The following THEMIS2 variants were observed in gnomAD, a reference collection of about 807,000 sequenced individuals.
The protein encoded by THEMIS2 is protein THEMIS2.
In THEMIS2, 29 loss-of-function variants were observed where a neutral mutation model predicts 46.8. The observed-to-expected ratio is 0.62, with a 90% CI of 0.46 to 0.84. The LOEUF (loss-of-function observed/expected upper bound fraction) is 0.84, where lower values mean the gene tolerates loss of function less well. Ranked by LOEUF, THEMIS2 falls within the 40% of genes least tolerant of loss-of-function variation. The pLI is 0.00. For missense variants in THEMIS2, 698 were observed against 834.7 expected, an observed-to-expected ratio of 0.84 and a Z score of 2.02; for synonymous variants, 335 against 349.1, an observed-to-expected ratio of 0.96 and a Z score of 0.45.
rs1457608330 is a variant in THEMIS2, at chr1:27,885,902, C to G, written c.1912C>G (p.Gln638Glu). Residue 638 changes from glutamine (Q) to glutamate (E), a missense_variant, in exon 6 of 6, where the codon CAA (glutamine) becomes GAA (glutamate). Transcript: ENST00000373921. ...DEHDYEEILE[Q>E]FQKTI ...ACATGATTATGAAGAAATACTTGAG[C>G]AATTTCAGAAAACCATCTAAGTGCT... is the stretch of plus-strand genomic sequence containing the variant. 9.3e-6 allele frequency: 15 copies of G among 1,614,024 alleles called. No individual in the cohort carries two copies. The highest frequency in any genetic ancestry group is 1.3e-5 in the Non-Finnish European group (15 of 1,179,982).
Position 27,882,678 on chromosome 1 carries a change from C to A in THEMIS2, c.1354C>A (p.Pro452Thr), listed in dbSNP as rs1219162194. Residue 452 changes from proline to threonine, a missense_variant, in exon 4 of 6, where the codon CCT (proline) becomes ACT (threonine). Coordinates refer to ENST00000373921, the MANE Select transcript of THEMIS2 (RefSeq NM_001105556.3). The surrounding 1 kb of genome is among the most constrained non-coding windows in gnomAD (Gnocchi z 7.6). ...AGATCTGACTGCCCAGTTTTCACTG[C>A]CTTGTGAGGTCAAGGTGGTGGCCAA... The part of the protein sequence containing the change: ...LADLTAQFSL[P>T]CEVKVVAKDT... 6.2e-7 allele frequency: 1 copy of A among 1,614,100 alleles called. No homozygotes were observed. Among genetic ancestry groups the A allele is most frequent in the South Asian group, 1.1e-5 (1 of 91,084 alleles).
At chr1:27,883,105 A>C in intron 4 of THEMIS2, 62 bp downstream of exon 4, 2 of 1,386,382 alleles carry the variant, frequency 1.4e-6, no homozygotes, top group Non-Finnish European at 2.0e-6. Context: ...CTTCTTTGTC[A>C]TGTCTGCCTG....
intron 2 of THEMIS2, among the ~76,000 whole-genome samples, chr1:27,877,003 C>T (rs1029481362): frequency 6.6e-6 from 1 of 152,238 alleles, no homozygotes. Flanking sequence ...TCTGAGTTCA[C>T]TCACACATTC....
chr1:27,880,133 A>G, intron 3 of THEMIS2, 79 bp downstream of exon 3: 1 of 1,445,398 alleles, frequency 6.9e-7, no homozygotes, highest in Non-Finnish European at 9.3e-7. Flanking sequence ...CTGATGGAAG[A>G]CACCCCCACC....
rs2089572904 is a variant in THEMIS2, at chr1:27,876,102, C to T, written c.95-486C>T. 4.0e-5 allele frequency among the ~76,000 whole-genome samples: 6 copies of T among 151,776 alleles called. No homozygotes were observed. The South Asian group carries it at 8.3e-4, about 21-fold the overall frequency. ...CCAGGGTGCTAGGAGGGCTGGGTACCGGCCCTGGCTCCGGGTGATCTCCAG... is the reference window on the plus strand; with the variant it reads ...CCAGGGTGCTAGGAGGGCTGGGTACTGGCCCTGGCTCCGGGTGATCTCCAG... On this transcript the variant is annotated intron_variant, in intron 1 of 5. Coordinates refer to ENST00000373921, the MANE Select transcript of THEMIS2 (RefSeq NM_001105556.3).
At position 27,882,969 on chromosome 1, in the gene THEMIS2, G is replaced by T. The variant is rs758703060; in HGVS notation, c.1645G>T (p.Ala549Ser). Residue 549 changes from alanine to serine, a missense_variant, in exon 4 of 6, where the codon GCC becomes TCC. By Grantham distance (99) the Ala-to-Ser change is moderately conservative. Transcript: ENST00000373921. The surrounding 1 kb of genome is among the most constrained non-coding windows in gnomAD (Gnocchi z 7.6). Reference sequence around the variant, plus strand: ...GAAGTTACCAGCCTGTGAGATCCAAGCCCCCCCACCCAGGCCCCCTAAAAA... The same window carrying T: ...GAAGTTACCAGCCTGTGAGATCCAATCCCCCCCACCCAGGCCCCCTAAAAA... The part of the protein sequence containing the change: ...LRKLPACEIQ[A>S]PPPRPPKNQG... 1 of 1,613,308 alleles carries T rather than the reference G, an allele frequency of 6.2e-7. No homozygotes were observed. The highest frequency in any genetic ancestry group is 2.2e-5 in the East Asian group (1 of 44,846).
rs1437703926 is a variant in THEMIS2 at position 27,885,876 on chromosome 1, A to G, written c.1886A>G (p.Glu629Gly). 2 of 1,613,926 alleles carry G rather than the reference A, an allele frequency of 1.2e-6. No homozygotes were observed. The highest frequency in any genetic ancestry group is 1.7e-6 in the Non-Finnish European group (2 of 1,180,008). ...KPQRQDLDDD[E>G]HDYEEILEQF... ...TCGGACTCTTTTGCAGATGATGATG[A>G]ACATGATTATGAAGAAATACTTGAG... The change falls in exon 6 of 6, where the codon GAA (glutamate) becomes GGA (glycine). Residue 629 changes from glutamate to glycine, a missense_variant. Transcript: ENST00000373921.
chr1:27,877,321 T>C (rs2089598246), intron 2 of THEMIS2, among the ~76,000 whole-genome samples: 2 of 151,634 alleles, frequency 1.3e-5, no homozygotes, highest in Non-Finnish European at 2.9e-5. Context: ...ATTCTTATTA[T>C]TTTTTTTTAT....
chr1:27,885,481 G>C, intron 5 of THEMIS2, 30 bp downstream of exon 5: 1 of 1,606,078 alleles, frequency 6.2e-7, no homozygotes, highest in Non-Finnish European at 8.5e-7. Context: ...GCTCACCCTT[G>C]TCCTTGTGTC....
At position 27,876,727 on chromosome 1, in the gene THEMIS2, G is replaced by C. The variant is rs778874783; in HGVS notation, c.234G>C (p.Gln78His). ...CCATGGAGCTCGCCCCCAACTTCCA[G>C]GGTAAGGTGGGCACCTCTGCCTCCC... ...SQTMELAPNFQGYFTPLNTPQ... is the reference protein window; with the variant it reads ...SQTMELAPNFHGYFTPLNTPQ... The change falls in exon 2 of 6, where the codon CAG becomes CAC. Residue 78 changes from glutamine (Q) to histidine (H), a missense_variant and splice_region_variant. Physicochemically the swap from Gln to His is conservative, Grantham distance 24 (BLOSUM62 0). Coordinates refer to ENST00000373921, the MANE Select transcript of THEMIS2 (RefSeq NM_001105556.3). 6.2e-7 allele frequency: 1 copy of C among 1,613,484 alleles called. No homozygotes were observed. Among genetic ancestry groups the C allele is most frequent in the African/African-American group, 1.3e-5 (1 of 74,914 alleles).
chr1:27,882,968 A>C lies in THEMIS2; in HGVS notation c.1644A>C (p.Gln548His). The change falls in exon 4 of 6, where the codon CAA (glutamine) becomes CAC (histidine). Residue 548 changes from glutamine (Q) to histidine (H), a missense_variant. Transcript: ENST00000373921. This position sits in a 1 kb window ranked among gnomAD's most constrained non-coding sequence, Gnocchi z 7.6. ...GGAAGTTACCAGCCTGTGAGATCCAAGCCCCCCCACCCAGGCCCCCTAAAA... is the reference window on the plus strand; with the variant it reads ...GGAAGTTACCAGCCTGTGAGATCCACGCCCCCCCACCCAGGCCCCCTAAAA... The part of the protein sequence containing the change: ...RLRKLPACEI[Q>H]APPPRPPKNQ... 1.9e-6 allele frequency: 3 copies of C among 1,613,764 alleles called. No homozygotes were observed. The highest frequency in any genetic ancestry group is 1.7e-6 in the Non-Finnish European group (2 of 1,179,938).
intron 2 of THEMIS2, 77 bp from the exon 3 acceptor site, chr1:27,879,567 G>A: frequency 1.5e-6 from 2 of 1,298,694 alleles, no homozygotes; most frequent in East Asian, 4.7e-5. Flanking sequence ...GGGCCAGACT[G>A]GGGTCTGGAC....
chr1:27,875,803 C>T (rs568113533), intron 1 of THEMIS2, among the ~76,000 whole-genome samples: 2 of 152,098 alleles, frequency 1.3e-5, no homozygotes, highest in East Asian at 1.9e-4. Flanking sequence ...CGGGTTCACG[C>T]CATTCTCCTG....
chr1:27,873,867 G>C (rs1047777316), intron 1 of THEMIS2, among the ~76,000 whole-genome samples: 4 of 152,024 alleles, frequency 2.6e-5, no homozygotes, highest in Non-Finnish European at 4.4e-5. Context: ...GAGTGATGGT[G>C]ACTAGAGAAG....
intron 2 of THEMIS2, among the ~76,000 whole-genome samples, chr1:27,876,988 C>T (rs1378791759): frequency 6.6e-6 from 1 of 152,240 alleles, no homozygotes; most frequent in Non-Finnish European, 1.5e-5. Flanking sequence ...GTCCAGGTGC[C>T]TGTCTCTGAG....
chr1:27,885,855 A>T lies in THEMIS2; in HGVS notation c.1877-12A>T. 1 of 1,613,566 alleles carries T rather than the reference A, an allele frequency of 6.2e-7. No homozygotes were observed. Among genetic ancestry groups the T allele is most frequent in the Non-Finnish European group, 8.5e-7 (1 of 1,179,696 alleles). On this transcript the variant is annotated splice_polypyrimidine_tract_variant and intron_variant, in intron 5 of 5. Coordinates refer to ENST00000373921, the MANE Select transcript of THEMIS2 (RefSeq NM_001105556.3). The stretch of plus-strand genomic sequence containing the variant: ...ACGCTAAAGATCCTCATTGACTCGG[A>T]CTCTTTTGCAGATGATGATGAACAT...
chr1:27,885,783 C>G (rs1000268771), intron 5 of THEMIS2, 84 bp from the exon 6 acceptor site: 105 of 1,385,036 alleles, frequency 7.6e-5, no homozygotes, highest in Middle Eastern at 3.6e-4. Flanking sequence ...ACCTCTTTCC[C>G]TGCACAGATG....
At position 27,882,161 on chromosome 1, in the gene THEMIS2, G is replaced by T; in HGVS notation, c.837G>T (p.Trp279Cys). ...GCCGCCCCATCTTCCTCAGCCCGTG[G>T]GTGGGCTCCTTGCAAAAAGGCCAGA... is the stretch of plus-strand genomic sequence containing the variant. ...PEGRPIFLSP[W>C]VGSLQKGQRL... Residue 279 changes from tryptophan to cysteine, a missense_variant, in exon 4 of 6, where the codon TGG (tryptophan) becomes TGT (cysteine). By Grantham distance (215) the Trp-to-Cys change is radical. Coordinates refer to ENST00000373921, the MANE Select transcript of THEMIS2 (RefSeq NM_001105556.3). The surrounding 1 kb of genome is among the most constrained non-coding windows in gnomAD (Gnocchi z 7.6). 6.2e-7 allele frequency: 1 copy of T among 1,614,160 alleles called. No homozygotes were observed. Among genetic ancestry groups the T allele is most frequent in the Non-Finnish European group, 8.5e-7 (1 of 1,180,010 alleles).
rs746373739 is a variant in THEMIS2, at chr1:27,885,936, C to G, written c.*14C>G. ...AAAACCATCTAAGTGCTGGAGGAAC[C>G]ACGCTTCCTAACTGCTGCTTCTCAG... On this transcript the variant is annotated 3_prime_UTR_variant, in exon 6 of 6. Coordinates refer to ENST00000373921, the MANE Select transcript of THEMIS2 (RefSeq NM_001105556.3). 1 of 1,613,498 alleles carries G rather than the reference C, an allele frequency of 6.2e-7. No individual in the cohort carries two copies. Among genetic ancestry groups the G allele is most frequent in the Non-Finnish European group, 8.5e-7 (1 of 1,179,576 alleles).
Sources: allele counts gnomAD v4.1 joint callset (sites outside exome capture counted in the v4.1 genomes callset), GRCh38; gene constraint gnomAD v4.1.1; non-coding constraint Gnocchi (gnomAD v3.1); transcripts MANE v1.5; gene names NCBI Gene and HGNC (gene_info 2026-07-23, HGNC 2026-07-21).